RPS6KC1: variants seen among roughly 807,000 people sequenced by gnomAD.
RPS6KC1 encodes the protein inactive ribosomal protein S6 kinase delta-1.
A neutral mutation model predicts 103.8 loss-of-function variants in RPS6KC1; 54 were observed. The ratio of observed to expected loss-of-function variants is 0.52; its 90% CI spans 0.42 to 0.65. The LOEUF (loss-of-function observed/expected upper bound fraction) is 0.65. Among genes scored for constraint, RPS6KC1 ranks in the 30% least tolerant of loss-of-function variants. RPS6KC1 has a pLI of 0.00. For missense variants in RPS6KC1, 1,151 were observed against 1,253.8 expected (o/e 0.92, Z 1.24); for synonymous variants, 439 against 438.7 (o/e 1.00, Z -0.01).
the RPS6KC1 span, among the ~76,000 whole-genome samples, chr1:213,677,775 A>G: frequency 1.3e-5 from 2 of 152,090 alleles, no homozygotes; most frequent in Non-Finnish European, 2.9e-5. Flanking sequence ...TGGGAGGCTG[A>G]GGTGGGTGGA....
the RPS6KC1 span, among the ~76,000 whole-genome samples, chr1:213,854,515 T>TCTTC: frequency 7.4e-5 from 5 of 67,358 alleles, no homozygotes; most frequent in Non-Finnish European, 8.3e-5. Flanking sequence ...TCTTTCTCTT[T>TCTTC]CTTTCTTTCT....
At chr1:213,232,014 A>G (rs1412338720) in intron 9 of RPS6KC1, 109 bp from the exon 10 acceptor site, 6 of 1,383,570 alleles carry the variant, frequency 4.3e-6, no homozygotes, top group Admixed American at 2.0e-5. Flanking sequence ...TCTGAAGCCC[A>G]GAGTAACTCG....
the RPS6KC1 span, among the ~76,000 whole-genome samples, chr1:213,750,105 G>A: frequency 6.6e-6 from 1 of 152,164 alleles, no homozygotes; most frequent in African/African-American, 2.4e-5. Context: ...AAATTCAAGT[G>A]CCTATCTCCT....
chr1:213,551,849 C>T, the RPS6KC1 span, among the ~76,000 whole-genome samples: 2 of 152,220 alleles, frequency 1.3e-5, no homozygotes, highest in African/African-American at 2.4e-5. Context: ...CCTCTGTGCT[C>T]TGCCTATTCA....
At chr1:213,714,273 G>A in the RPS6KC1 span, among the ~76,000 whole-genome samples, 1 of 152,208 alleles carries the variant, frequency 6.6e-6, no homozygotes, top group Non-Finnish European at 1.5e-5. Flanking sequence ...TTATATAGAT[G>A]TTAGCACTTG....
intron 6 of RPS6KC1, among the ~76,000 whole-genome samples, chr1:213,137,899 T>C (rs2086568908): frequency 7.2e-6 from 1 of 138,614 alleles, no homozygotes. Flanking sequence ...TGGCTTACAA[T>C]AGGGGGCCCT....
intron 7 of RPS6KC1, among the ~76,000 whole-genome samples, chr1:213,174,670 C>CAAAAAA (rs370278907): frequency 2.3e-5 from 1 of 43,354 alleles, no homozygotes; most frequent in Non-Finnish European, 5.3e-5. Flanking sequence ...AACTCCATCT[C>CAAAAAA]AAAAAAAAAA....
the RPS6KC1 span, among the ~76,000 whole-genome samples, chr1:213,750,214 C>G: frequency 6.6e-6 from 1 of 152,326 alleles, no homozygotes; most frequent in Admixed American, 6.5e-5. Context: ...GCACAGCCAG[C>G]TGATACTTGG....
chr1:213,579,032 C>A, the RPS6KC1 span, among the ~76,000 whole-genome samples: 3 of 151,948 alleles, frequency 2.0e-5, no homozygotes, highest in African/African-American at 7.2e-5. Flanking sequence ...TGGGAGGGAC[C>A]CTGGTGGGAG....
chr1:213,343,440 T>TATACAC, the RPS6KC1 span, among the ~76,000 whole-genome samples: 2,309 of 80,106 alleles, frequency 0.029, 497 homozygotes, highest in Non-Finnish European at 0.044. Context: ...TATATATATA[T>TATACAC]ACATACCATG....
the RPS6KC1 span, among the ~76,000 whole-genome samples, chr1:213,521,252 T>C: frequency 6.6e-6 from 1 of 152,198 alleles, no homozygotes; most frequent in Non-Finnish European, 1.5e-5. Context: ...AATTTTTTGG[T>C]TTCCCAGTGC....
chr1:213,298,125 G>A, the RPS6KC1 span, among the ~76,000 whole-genome samples: 1 of 152,214 alleles, frequency 6.6e-6, no homozygotes, highest in African/African-American at 2.4e-5. Flanking sequence ...CCACTGTCCT[G>A]AGACTTTGCT....
At chr1:213,177,697 G>T (rs2091964393) in intron 8 of RPS6KC1, among the ~76,000 whole-genome samples, 1 of 152,106 alleles carries the variant, frequency 6.6e-6, no homozygotes, top group African/African-American at 2.4e-5. Context: ...AAAACATTCA[G>T]TTTGAGAGTA....
chr1:213,603,822 T>C, the RPS6KC1 span, among the ~76,000 whole-genome samples: 4 of 151,710 alleles, frequency 2.6e-5, no homozygotes, highest in African/African-American at 4.8e-5. Flanking sequence ...ATTGCCCCAC[T>C]GTACTCCAGC....
chr1:213,861,332 C>A, the RPS6KC1 span, among the ~76,000 whole-genome samples: 1 of 152,128 alleles, frequency 6.6e-6, no homozygotes, highest in East Asian at 1.9e-4. Context: ...AGGAAGAATA[C>A]AGGGAGAAGG....
At chr1:213,403,418 C>A in the RPS6KC1 span, among the ~76,000 whole-genome samples, 1 of 152,150 alleles carries the variant, frequency 6.6e-6, no homozygotes, top group Non-Finnish European at 1.5e-5. Context: ...TGCCTTCATC[C>A]CTTTAGGCCG....
chr1:213,373,519 A>G, the RPS6KC1 span, among the ~76,000 whole-genome samples: 12 of 152,230 alleles, frequency 7.9e-5, no homozygotes, highest in African/African-American at 2.9e-4. Context: ...AAAAAATCAG[A>G]ACAAAACAAC....
At chr1:213,261,459 T>C in intron 12 of RPS6KC1, 99 bp from the exon 13 acceptor site, 1 of 1,035,214 alleles carries the variant, frequency 9.7e-7, no homozygotes, top group Non-Finnish European at 1.5e-6. Flanking sequence ...TAGTATATGC[T>C]CTCTCAGCAT....
At chr1:213,688,570 C>G in the RPS6KC1 span, among the ~76,000 whole-genome samples, 1 of 152,252 alleles carries the variant, frequency 6.6e-6, no homozygotes, top group South Asian at 2.1e-4. Context: ...TGGCAAGTTG[C>G]TAGATCTAAT....
Sources: allele counts gnomAD v4.1 joint callset (sites outside exome capture counted in the v4.1 genomes callset), GRCh38; gene constraint gnomAD v4.1.1; transcripts MANE v1.5; gene names NCBI Gene and HGNC (gene_info 2026-07-23, HGNC 2026-07-21).